MACROD2: variants seen among roughly 807,000 people sequenced by gnomAD.
The protein encoded by MACROD2 is ADP-ribose glycohydrolase MACROD2.
A neutral mutation model predicts 70.4 loss-of-function variants in MACROD2; 36 were observed. The ratio of observed to expected loss-of-function variants is 0.51; its 90% CI spans 0.39 to 0.68. MACROD2 has a LOEUF of 0.68. Among genes scored for constraint, MACROD2 ranks in the 30% least tolerant of loss-of-function variants. The probability of loss-of-function intolerance (pLI) is 0.00; values close to 1 mark genes in which losing one functional copy is unlikely to be tolerated. For synonymous variants in MACROD2, 172 were observed against 178.8 expected, an observed-to-expected ratio of 0.96 and a Z score of 0.30; for missense variants, 496 against 538.4, an observed-to-expected ratio of 0.92 and a Z score of 0.78.
intron 5 of MACROD2, among the ~76,000 whole-genome samples, chr20:15,042,055 C>A (rs775975993): frequency 6.6e-6 from 1 of 151,976 alleles, no homozygotes; most frequent in South Asian, 2.1e-4. Context: ...GTTTGGAGCC[C>A]CAAGTCATAA....
rs375833586 is a variant in MACROD2, at chr20:14,130,405, G to A, written c.271+44677G>A. Among the ~76,000 whole-genome samples, 35 of 152,118 alleles carry A rather than the reference G, an allele frequency of 2.3e-4. 1 individual carries two copies. The East Asian group carries it at 3.9e-3, about 17-fold the overall frequency. The stretch of plus-strand genomic sequence containing the variant: ...TCTGCTAAAAATAGAAAAATTAGCC[G>A]AGCGTGATGGCGGGAGCCTGTAATC... On this transcript the variant is annotated intron_variant, in intron 3 of 17. Coordinates refer to ENST00000684519, the MANE Select transcript of MACROD2 (RefSeq NM_001351661.2).
intron 5 of MACROD2, among the ~76,000 whole-genome samples, chr20:15,187,247 G>A (rs1234403548): frequency 4.6e-5 from 7 of 152,200 alleles, no homozygotes; most frequent in Middle Eastern, 3.4e-3. Flanking sequence ...ATGATGACCC[G>A]AGGTCTTTTC....
chr20:15,447,896 G>A (rs1052449074), intron 7 of MACROD2, among the ~76,000 whole-genome samples: 1 of 152,094 alleles, frequency 6.6e-6, no homozygotes, highest in Non-Finnish European at 1.5e-5. Flanking sequence ...CCAAAGAGGT[G>A]AATACAGACT....
intron 5 of MACROD2, among the ~76,000 whole-genome samples, chr20:14,686,126 A>G (rs1363581748): frequency 6.6e-6 from 1 of 152,212 alleles, no homozygotes; most frequent in African/African-American, 2.4e-5. Flanking sequence ...GCTTTGGTCA[A>G]TGATGGAACA....
intron 12 of MACROD2, among the ~76,000 whole-genome samples, chr20:15,957,187 A>T (rs2065989580): frequency 6.6e-6 from 1 of 152,146 alleles, no homozygotes; most frequent in Admixed American, 6.5e-5. Flanking sequence ...AATGGTAGAC[A>T]TGTTCTACTG....
chr20:14,908,110 G>A (rs369991683), intron 5 of MACROD2, among the ~76,000 whole-genome samples: 26 of 152,222 alleles, frequency 1.7e-4, no homozygotes, highest in African/African-American at 6.0e-4. Context: ...TTGGGAGGCC[G>A]AGACAGGCGG....
intron 5 of MACROD2, among the ~76,000 whole-genome samples, chr20:15,202,277 T>A (rs1238329970): frequency 1.3e-5 from 2 of 152,228 alleles, no homozygotes; most frequent in African/African-American, 4.8e-5. Context: ...GCAGAATGTT[T>A]CTGCACCATT....
intron 4 of MACROD2, among the ~76,000 whole-genome samples, chr20:14,625,002 A>G (rs1984054737): frequency 6.6e-6 from 1 of 152,124 alleles, no homozygotes; most frequent in Non-Finnish European, 1.5e-5. Context: ...TTAATGGTGA[A>G]TGGCTTGGCC....
At position 14,666,657 on chromosome 20, in the gene MACROD2, C is replaced by T. The variant is rs112314791; in HGVS notation, c.302-18186C>T. On this transcript the variant is annotated intron_variant, in intron 4 of 17. Transcript: ENST00000684519. ...AACACTGTATTATTTATGTCCCCAG[C>T]GCTTGACTTTTTGAGTTTCTTTTCT... is the stretch of plus-strand genomic sequence containing the variant. Among the ~76,000 whole-genome samples the T allele has an allele frequency of 2.2e-4, 33 of 151,990 alleles. No homozygotes were observed. In the South Asian group the frequency reaches 3.9e-3, roughly 18 times the overall value.
chr20:15,475,215 C>T (rs1372478922), intron 7 of MACROD2, among the ~76,000 whole-genome samples: 1 of 152,110 alleles, frequency 6.6e-6, no homozygotes, highest in Admixed American at 6.5e-5. Flanking sequence ...TCTGTGGTTT[C>T]AGTGTCTGTG....
chr20:15,780,135 C>T (rs1353304797), intron 8 of MACROD2, among the ~76,000 whole-genome samples: 1 of 152,086 alleles, frequency 6.6e-6, no homozygotes, highest in Non-Finnish European at 1.5e-5. Flanking sequence ...ATTTAAGTTT[C>T]ACTGTAATTA....
At chr20:14,273,194 T>C (rs1309389976) in intron 3 of MACROD2, among the ~76,000 whole-genome samples, 3 of 152,078 alleles carry the variant, frequency 2.0e-5, no homozygotes, top group Non-Finnish European at 4.4e-5. Flanking sequence ...AATGTACATT[T>C]TTTTCAGCAC....
At chr20:14,240,341 T>C (rs557888513) in intron 3 of MACROD2, among the ~76,000 whole-genome samples, 21 of 152,334 alleles carry the variant, frequency 1.4e-4, no homozygotes, top group African/African-American at 5.1e-4. Context: ...TTATTGGGTA[T>C]ATACTGAAAA....
intron 5 of MACROD2, among the ~76,000 whole-genome samples, chr20:15,163,042 C>A (rs920488751): frequency 3.3e-5 from 5 of 151,896 alleles, no homozygotes; most frequent in Non-Finnish European, 5.9e-5. Flanking sequence ...CATTTTAAAG[C>A]CCTTATATTG....
intron 5 of MACROD2, among the ~76,000 whole-genome samples, chr20:14,755,210 C>T (rs1190639913): frequency 6.6e-6 from 1 of 152,004 alleles, no homozygotes; most frequent in Non-Finnish European, 1.5e-5. Context: ...TTTCCTGTTG[C>T]TTTCCCCACT....
chr20:15,978,557 A>G (rs2066344879), intron 13 of MACROD2, among the ~76,000 whole-genome samples: 1 of 150,882 alleles, frequency 6.6e-6, no homozygotes, highest in South Asian at 2.1e-4. Flanking sequence ...CCAGCAGGCT[A>G]ATAAACTTAC....
intron 8 of MACROD2, among the ~76,000 whole-genome samples, chr20:15,590,953 G>T (rs1241349108): frequency 7.9e-6 from 1 of 126,580 alleles, no homozygotes; most frequent in Non-Finnish European, 1.8e-5. Flanking sequence ...GAGAAAGAAA[G>T]AAAGAAAAAG....
intron 5 of MACROD2, among the ~76,000 whole-genome samples, chr20:14,818,515 G>T (rs1449360798): frequency 1.3e-5 from 2 of 151,996 alleles, no homozygotes; most frequent in African/African-American, 4.8e-5. Context: ...GCATCCTGTG[G>T]CTGAAACATT....
rs1476527634 is a variant in MACROD2 at position 16,051,387 on chromosome 20, T to C, written c.*1511T>C. On this transcript the variant is annotated 3_prime_UTR_variant, in exon 18 of 18. Coordinates refer to ENST00000684519, the MANE Select transcript of MACROD2 (RefSeq NM_001351661.2). ...AATTCATCTTATCTTCCTATGACTT[T>C]GGTTTTAGCCTTTCTGAATTTGTTA... 1 of 152,216 alleles carries C rather than the reference T, an allele frequency of 6.6e-6. No individual in the cohort carries two copies. Among genetic ancestry groups the C allele is most frequent in the Admixed American group, 6.5e-5 (1 of 15,276 alleles). 9.4% of individuals were successfully genotyped at this position (152,216 alleles called of 1,614,324 possible). A position where few individuals can be genotyped will look rare whatever the true frequency, so the allele number is the denominator to read the frequency against.
Sources: allele counts gnomAD v4.1 joint callset (sites outside exome capture counted in the v4.1 genomes callset), GRCh38; gene constraint gnomAD v4.1.1; transcripts MANE v1.5; gene names NCBI Gene and HGNC (gene_info 2026-07-23, HGNC 2026-07-21).